NPAS2: variants seen among roughly 807,000 people sequenced by gnomAD.
NPAS2 encodes the protein neuronal PAS domain protein 2.
A neutral mutation model predicts 107.5 loss-of-function variants in NPAS2; 23 were observed. That is an observed-to-expected ratio of 0.21 (90% CI 0.15 to 0.30). NPAS2 has a LOEUF of 0.30. Ranked by LOEUF, NPAS2 falls within the 10% of genes least tolerant of loss-of-function variation. The pLI, the probability that NPAS2 is intolerant of heterozygous loss-of-function variation, is 1.00. For missense variants in NPAS2, 756 were observed against 1,043.3 expected, an observed-to-expected ratio of 0.72 and a Z score of 3.79; for synonymous variants, 403 against 417.5, an observed-to-expected ratio of 0.97 and a Z score of 0.42.
chr2:100,896,090 C>G (rs1239347903), intron 1 of NPAS2, among the ~76,000 whole-genome samples: 1 of 152,176 alleles, frequency 6.6e-6, no homozygotes, highest in African/African-American at 2.4e-5. Flanking sequence ...TGGAACTCAC[C>G]TAGAGCTTTC....
intron 3 of NPAS2, among the ~76,000 whole-genome samples, chr2:100,927,108 C>A (rs190449261): frequency 6.6e-6 from 1 of 151,656 alleles, no homozygotes; most frequent in Non-Finnish European, 1.5e-5. Flanking sequence ...CTAATTTTTT[C>A]TATTTTTAGT....
At position 100,864,424 on chromosome 2, in the gene NPAS2, G is replaced by A. The variant is rs370995604; in HGVS notation, c.-22-40309G>A. 5.4e-4 allele frequency among the ~76,000 whole-genome samples: 82 copies of A among 152,198 alleles called. 1 individual carries two copies. The highest frequency in any genetic ancestry group is 2.0e-3 in the African/African-American group (81 of 41,518). On this transcript the variant is annotated intron_variant, in intron 1 of 20. Transcript: ENST00000335681. ...TTCGGATATAAATAAAGCCTCTCCCGCATTTAATGGTGCTGGGTTCAGCAT... is the reference window on the plus strand; with the variant it reads ...TTCGGATATAAATAAAGCCTCTCCCACATTTAATGGTGCTGGGTTCAGCAT...
At chr2:100,946,117 G>A (rs1339146002) in intron 5 of NPAS2, among the ~76,000 whole-genome samples, 1 of 152,224 alleles carries the variant, frequency 6.6e-6, no homozygotes, top group African/African-American at 2.4e-5. Context: ...GTCATTCAGT[G>A]CCTAATCGCA....
At chr2:100,981,933 T>A (rs969397780) in intron 15 of NPAS2, among the ~76,000 whole-genome samples, 1 of 152,218 alleles carries the variant, frequency 6.6e-6, no homozygotes, top group Non-Finnish European at 1.5e-5. Flanking sequence ...GCTTACAAAA[T>A]CCTGTCCCAA....
intron 1 of NPAS2, among the ~76,000 whole-genome samples, chr2:100,881,038 T>C (rs536391723): frequency 6.6e-6 from 1 of 152,172 alleles, no homozygotes; most frequent in East Asian, 1.9e-4. Flanking sequence ...GGGATTCACT[T>C]GGTGGCACAA....
chr2:100,953,573 G>T (rs940388224), intron 7 of NPAS2, among the ~76,000 whole-genome samples: 15 of 152,146 alleles, frequency 9.9e-5, no homozygotes, highest in African/African-American at 3.6e-4. Context: ...TTCAGGCTTT[G>T]CATTGATCGT....
intron 1 of NPAS2, chr2:100,846,772 C>T (rs890764392): frequency 5.9e-5 from 9 of 152,056 alleles, no homozygotes; most frequent in African/African-American, 2.2e-4. Flanking sequence ...TTATTTGTGC[C>T]ATAAAGTGTT....
At chr2:100,884,163 C>G (rs959130841) in intron 1 of NPAS2, among the ~76,000 whole-genome samples, 1 of 152,176 alleles carries the variant, frequency 6.6e-6, no homozygotes, top group Non-Finnish European at 1.5e-5. Context: ...ATTTTGCAAG[C>G]TGCTTGCTTT....
At chr2:100,888,959 A>G (rs1232403960) in intron 1 of NPAS2, among the ~76,000 whole-genome samples, 2 of 152,214 alleles carry the variant, frequency 1.3e-5, no homozygotes, top group African/African-American at 4.8e-5. Context: ...TTTTAAAAAG[A>G]AAAATATGTA....
At chr2:100,825,013 G>A (rs997533703) in intron 1 of NPAS2, among the ~76,000 whole-genome samples, 1 of 152,198 alleles carries the variant, frequency 6.6e-6, no homozygotes, top group African/African-American at 2.4e-5. Flanking sequence ...GGGAGCAGTG[G>A]TGGGGGCTGA....
intron 1 of NPAS2, among the ~76,000 whole-genome samples, chr2:100,871,906 TC>T (rs1424089317): frequency 1.3e-5 from 2 of 152,176 alleles, no homozygotes; most frequent in African/African-American, 4.8e-5. Context: ...ATTCCACTCT[TC>T]ATGGGTCTTC....
intron 3 of NPAS2, among the ~76,000 whole-genome samples, chr2:100,929,058 C>T (rs1036068722): frequency 6.6e-6 from 1 of 152,176 alleles, no homozygotes; most frequent in African/African-American, 2.4e-5. Flanking sequence ...CACGTGCCAC[C>T]ACACCTGGCT....
intron 2 of NPAS2, among the ~76,000 whole-genome samples, chr2:100,910,234 C>T (rs894680016): frequency 5.3e-5 from 8 of 152,156 alleles, no homozygotes; most frequent in Non-Finnish European, 1.0e-4. Flanking sequence ...GTGACAAGTT[C>T]CTAACTATCA....
chr2:100,906,798 A>G (rs1290703525), intron 2 of NPAS2, among the ~76,000 whole-genome samples: 1 of 152,178 alleles, frequency 6.6e-6, no homozygotes, highest in African/African-American at 2.4e-5. Flanking sequence ...GTCATCTCAT[A>G]TTATCTTCTC....
At chr2:100,850,285 A>T (rs975780581) in intron 1 of NPAS2, among the ~76,000 whole-genome samples, 3 of 152,192 alleles carry the variant, frequency 2.0e-5, no homozygotes, top group African/African-American at 7.2e-5. Flanking sequence ...CTGGCCCAAG[A>T]ATAGGTTGCA....
At chr2:100,893,676 T>A (rs1396225702) in intron 1 of NPAS2, among the ~76,000 whole-genome samples, 1 of 152,248 alleles carries the variant, frequency 6.6e-6, no homozygotes, top group Non-Finnish European at 1.5e-5. Flanking sequence ...TAGTCATGAT[T>A]CCAGTGATTC....
chr2:100,893,967 C>T (rs1681246347), intron 1 of NPAS2, among the ~76,000 whole-genome samples: 1 of 152,174 alleles, frequency 6.6e-6, no homozygotes, highest in Non-Finnish European at 1.5e-5. Flanking sequence ...TCTCTGGAGA[C>T]CTGGGTGAGC....
rs191459428 is a variant in NPAS2, at chr2:100,949,359, C to T, written c.485-8C>T. 38 of 1,568,664 alleles carry T rather than the reference C, an allele frequency of 2.4e-5. No individual in the cohort carries two copies. Among genetic ancestry groups the T allele is most frequent in the East Asian group, 1.8e-4 (8 of 44,680 alleles). On this transcript the variant is annotated splice_polypyrimidine_tract_variant and splice_region_variant and intron_variant, in intron 6 of 20. Transcript: ENST00000335681. ...CCTTTCTCTCCTCTTCTTCCTTTAA[C>T]GGCCCAGCTGACAGCGATTTAGAGT...
At chr2:100,993,685 A>G (rs1045774992) in intron 20 of NPAS2, 158 bp downstream of exon 20, 3 of 595,264 alleles carry the variant, frequency 5.0e-6, no homozygotes, top group African/African-American at 1.9e-5. Context: ...ATTGTTTTTC[A>G]TGCTTAAAGT....
Sources: allele counts gnomAD v4.1 joint callset (sites outside exome capture counted in the v4.1 genomes callset), GRCh38; gene constraint gnomAD v4.1.1; transcripts MANE v1.5; gene names NCBI Gene and HGNC (gene_info 2026-07-23, HGNC 2026-07-21).